The following CES3 variants were observed in gnomAD, a reference collection of about 807,000 sequenced individuals.
The protein encoded by CES3 is carboxylesterase 3, also known as carboxylesterase 3 (brain).
In CES3, 49 loss-of-function variants were observed where a neutral mutation model predicts 57.6. That is an observed-to-expected ratio of 0.85 (90% CI 0.68 to 1.08). The LOEUF is 1.08. Among genes scored for constraint, CES3 ranks in the 50% least tolerant of loss-of-function variants. The pLI, the probability that CES3 is intolerant of heterozygous loss-of-function variation, is 0.00. For missense variants in CES3, 645 were observed against 742.0 expected (o/e 0.87, Z 1.52); for synonymous variants, 266 against 281.6 (o/e 0.94, Z 0.55).
At chr16:66,969,800 G>A in intron 9 of CES3, 41 bp downstream of exon 9, 2 of 1,556,840 alleles carry the variant, frequency 1.3e-6, no homozygotes, top group South Asian at 2.3e-5. Flanking sequence ...GGGCAGGAGG[G>A]AGGAAGCTAG....
chr16:66,961,470 G>T, intron 1 of CES3, 81 bp downstream of exon 1: 1 of 1,119,840 alleles, frequency 8.9e-7, no homozygotes. Context: ...GCAGTGGGCC[G>T]ACCGCTCAGG....
chr16:66,970,663 G>A (rs1022908880), intron 9 of CES3, among the ~76,000 whole-genome samples: 1 of 152,168 alleles, frequency 6.6e-6, no homozygotes, highest in African/African-American at 2.4e-5. Context: ...CCACTCGCCT[G>A]GGCTGTTGTA....
intron 5 of CES3, 46 bp from the exon 6 acceptor site, chr16:66,964,577 C>A (rs1187557156): frequency 8.1e-6 from 13 of 1,611,858 alleles, no homozygotes; most frequent in Non-Finnish European, 1.1e-5. Context: ...ACTCCCAGCT[C>A]CTCTGCCCTC....
chr16:66,973,090 C>T lies in CES3; in HGVS notation c.*41C>T, dbSNP rs776683069. The T allele has an allele frequency of 3.8e-6, 6 of 1,566,938 alleles. No homozygotes were observed. The highest frequency in any genetic ancestry group is 5.2e-6 in the Non-Finnish European group (6 of 1,143,474). On this transcript the variant is annotated 3_prime_UTR_variant, in exon 13 of 13. Coordinates refer to ENST00000303334, the MANE Select transcript of CES3 (RefSeq NM_024922.6). ...TTCTTGGCTGGGGCAAACCACTCTT[C>T]AAGTGGTGGCAGAGTCCCAGCACGG...
In CES3 at chr16:66,972,713, T is replaced by C. The variant is rs746036827; in HGVS notation, c.1487T>C (p.Met496Thr). The C allele has an allele frequency of 1.9e-6, 3 of 1,614,186 alleles. No homozygotes were observed. Among genetic ancestry groups the C allele is most frequent in the East Asian group, 4.5e-5 (2 of 44,880 alleles). ...GAGGAGAAGCAGCTAAGCCTCACCATGATGGCCCAGTGGACCCACTTTGCC... is the reference window on the plus strand; with the variant it reads ...GAGGAGAAGCAGCTAAGCCTCACCACGATGGCCCAGTGGACCCACTTTGCC... The part of the protein sequence containing the change: ...TEEEKQLSLT[M>T]MAQWTHFART... The change falls in exon 12 of 13, where the codon ATG becomes ACG. Residue 496 changes from methionine to threonine, a missense_variant. Transcript: ENST00000303334.
chr16:66,971,401 G>A, intron 10 of CES3, 82 bp downstream of exon 10: 1 of 1,476,466 alleles, frequency 6.8e-7, no homozygotes, highest in Non-Finnish European at 9.3e-7. Context: ...TGGCATGATA[G>A]GGTGCTGGTT....
At position 66,963,133 on chromosome 16, in the gene CES3, A is replaced by G. The variant is rs1963673540; in HGVS notation, c.83-46A>G. On this transcript the variant is annotated intron_variant, in intron 1 of 12. Transcript: ENST00000303334. The surrounding 1 kb of genome is among the most constrained non-coding windows in gnomAD (Gnocchi z 4.9). Reference sequence around the variant, plus strand: ...GGTTTGTCTTTCACTCCTTCCCCTCATGGGGGCTGCAAACTCACCCCGTGG... The same window carrying G: ...GGTTTGTCTTTCACTCCTTCCCCTCGTGGGGGCTGCAAACTCACCCCGTGG... 2.5e-6 allele frequency: 4 copies of G among 1,591,770 alleles called. No homozygotes were observed. The highest frequency in any genetic ancestry group is 2.6e-6 in the Non-Finnish European group (3 of 1,159,830).
chr16:66,963,239 T>C lies in CES3; in HGVS notation c.143T>C (p.Val48Ala). The C allele has an allele frequency of 6.2e-7, 1 of 1,614,154 alleles. No homozygotes were observed. The highest frequency in any genetic ancestry group is 8.5e-7 in the Non-Finnish European group (1 of 1,180,010). ...CTGGGTCGTGTGCGAGGCCGGCAGG[T>C]GGGCGTGAAGGGCACAGACCGCCTT... is the stretch of plus-strand genomic sequence containing the variant. ...TTLGRVRGRQ[V>A]GVKGTDRLVN... The change falls in exon 2 of 13, where the codon GTG becomes GCG. Residue 48 changes from valine to alanine, a missense_variant. Transcript: ENST00000303334. This position sits in a 1 kb window ranked among gnomAD's most constrained non-coding sequence, Gnocchi z 4.9.
At chr16:66,967,342 C>G (rs1395168078) in intron 8 of CES3, 2 of 265,754 alleles carry the variant, frequency 7.5e-6, no homozygotes, top group African/African-American at 4.6e-5. Flanking sequence ...GCGTGGGCCA[C>G]TTCAATAAAG....
At chr16:66,970,836 C>T (rs920907530) in intron 9 of CES3, among the ~76,000 whole-genome samples, 2 of 152,212 alleles carry the variant, frequency 1.3e-5, no homozygotes, top group Non-Finnish European at 2.9e-5. Flanking sequence ...CATTTCTGCT[C>T]TCACTTACTT....
chr16:66,967,795 T>A, intron 8 of CES3: 1 of 977,600 alleles, frequency 1.0e-6, no homozygotes, highest in Non-Finnish European at 1.2e-6. Context: ...AGAGCCTCGA[T>A]CCATCATCCA....
chr16:66,961,496 G>T, intron 1 of CES3, 107 bp downstream of exon 1: 1 of 831,626 alleles, frequency 1.2e-6, no homozygotes. Flanking sequence ...GTCCTGTTTG[G>T]AGGCAGACCA....
chr16:66,970,522 T>C (rs1370858032), intron 9 of CES3, among the ~76,000 whole-genome samples: 1 of 152,242 alleles, frequency 6.6e-6, no homozygotes, highest in Non-Finnish European at 1.5e-5. Flanking sequence ...CAGTTTTGTC[T>C]GACCCTAGAG....
chr16:66,963,790 C>A lies in CES3; in HGVS notation c.427-12C>A, dbSNP rs1963689348. 6.2e-7 allele frequency: 1 copy of A among 1,610,442 alleles called. No individual in the cohort carries two copies. Among genetic ancestry groups the A allele is most frequent in the Non-Finnish European group, 8.5e-7 (1 of 1,176,992 alleles). ...GAGCTTGGGGGTCAGTGCCCCATGG[C>A]CACCTCTGCAGGTCATGGTATGGGT... On this transcript the variant is annotated splice_polypyrimidine_tract_variant and intron_variant, in intron 3 of 12. Coordinates refer to ENST00000303334, the MANE Select transcript of CES3 (RefSeq NM_024922.6). The surrounding 1 kb of genome is among the most constrained non-coding windows in gnomAD (Gnocchi z 4.9).
At chr16:66,969,588 C>G in intron 8 of CES3, 91 bp from the exon 9 acceptor site, 1 of 1,289,602 alleles carries the variant, frequency 7.8e-7, no homozygotes, top group Non-Finnish European at 1.1e-6. Flanking sequence ...AGTTTCTGGC[C>G]TCAGGACCGT....
chr16:66,963,629 G>A lies in CES3; in HGVS notation c.426G>A (p.Pro142=), dbSNP rs772414680. The A allele has an allele frequency of 1.8e-5, 29 of 1,613,936 alleles. No individual in the cohort carries two copies. In the Admixed American group the frequency reaches 2.2e-4, roughly 12 times the overall value. ...PAEVPAGSGR[P]VMVWVHGGAL... ...AGGTCCCCGCAGGGTCCGGTAGGCC[G>A]GTAGGCACCCCAGAGGGCCCTGTCC... Residue 142 remains proline (P), a splice_region_variant and synonymous_variant, in exon 3 of 13, where the codon CCG becomes CCA. Transcript: ENST00000303334. This position sits in a 1 kb window ranked among gnomAD's most constrained non-coding sequence, Gnocchi z 4.9.
At position 66,964,318 on chromosome 16, in the gene CES3, G is replaced by T. The variant is rs2145531344; in HGVS notation, c.561-39G>T. The T allele has an allele frequency of 3.1e-6, 5 of 1,603,774 alleles. No homozygotes were observed. In the East Asian group the frequency reaches 1.1e-4, roughly 36 times the overall value. On this transcript the variant is annotated intron_variant, in intron 4 of 12. Transcript: ENST00000303334. ...GCAAACCTGCAGAGGCTGGCGAGGA[G>T]CCAGGCTGAACTAACCGTTGCCCCA...
Position 66,961,277 on chromosome 16 carries a change from T to C in CES3, c.-31T>C, listed in dbSNP as rs776380661. ...AGGGCAGGGATCTTATTCCACCTTC[T>C]GAAGCTTCTGTCGAACCAGTTGTAA... On this transcript the variant is annotated 5_prime_UTR_variant, in exon 1 of 13. Transcript: ENST00000303334. 1.3e-6 allele frequency: 2 copies of C among 1,586,524 alleles called. No individual in the cohort carries two copies. Among genetic ancestry groups the C allele is most frequent in the East Asian group, 2.2e-5 (1 of 44,716 alleles).
intron 10 of CES3, 40 bp downstream of exon 10, chr16:66,971,359 TG>T: frequency 1.9e-6 from 3 of 1,596,062 alleles, no homozygotes; most frequent in Non-Finnish European, 2.6e-6. Context: ...CCCTCCCACT[TG>T]GGCCCAGGAG....
Sources: gnomAD v4.1 joint callset for allele counts (sites outside exome capture counted in the v4.1 genomes callset) on GRCh38, gnomAD v4.1.1 for gene constraint, Gnocchi (gnomAD v3.1) non-coding constraint, MANE v1.5 for transcripts, NCBI Gene and HGNC (gene_info 2026-07-23, HGNC 2026-07-21) for gene names.